Variants in MYO1B observed in about 807,000 individuals in gnomAD.
MYO1B encodes the protein unconventional myosin-Ib.
Under a neutral mutation model 159.7 loss-of-function variants are expected in MYO1B, and 72 were observed. The ratio of observed to expected loss-of-function variants is 0.45; its 90% confidence interval spans 0.37 to 0.55. The LOEUF (loss-of-function observed/expected upper bound fraction) is 0.55. Among genes scored for constraint, MYO1B ranks in the 20% least tolerant of loss-of-function variants. The probability of loss-of-function intolerance (pLI) is 0.00; values close to 1 mark genes in which losing one functional copy is unlikely to be tolerated. For missense variants in MYO1B, 1,062 were observed against 1,364.8 expected (o/e 0.78, Z 3.50); for synonymous variants, 468 against 473.8 (o/e 0.99, Z 0.16).
At chr2:191,264,797 C>T (rs939477715) in intron 1 of MYO1B, among the ~76,000 whole-genome samples, 1 of 151,298 alleles carries the variant, frequency 6.6e-6, no homozygotes, top group African/African-American at 2.4e-5. Flanking sequence ...ATCTAGGATG[C>T]ATGCTCATCC....
At chr2:191,264,044 A>G (rs1045036159) in intron 1 of MYO1B, among the ~76,000 whole-genome samples, 9 of 152,224 alleles carry the variant, frequency 5.9e-5, no homozygotes, top group African/African-American at 1.7e-4. Context: ...TTTGATTTTA[A>G]AAGGAATGCT....
At chr2:191,306,693 G>A (rs570229815) in intron 3 of MYO1B, among the ~76,000 whole-genome samples, 9 of 152,038 alleles carry the variant, frequency 5.9e-5, no homozygotes, top group Admixed American at 5.2e-4. Context: ...GGGAGAAAGG[G>A]GGATCAGAGG....
intron 2 of MYO1B, among the ~76,000 whole-genome samples, chr2:191,289,953 C>T (rs1332964377): frequency 1.3e-5 from 2 of 152,058 alleles, no homozygotes; most frequent in African/African-American, 4.8e-5. Context: ...TCTGCCTTTG[C>T]GAAGGAATGT....
At chr2:191,392,293 G>A (rs1184257680) in intron 19 of MYO1B, 92 bp downstream of exon 19, 13 of 874,212 alleles carry the variant, frequency 1.5e-5, no homozygotes, top group Non-Finnish European at 2.3e-5. Flanking sequence ...ATTATATGAG[G>A]GGCCACCATG....
At chr2:191,379,061 C>T (rs1694890458) in intron 13 of MYO1B, among the ~76,000 whole-genome samples, 1 of 152,180 alleles carries the variant, frequency 6.6e-6, no homozygotes, top group African/African-American at 2.4e-5. Context: ...AGTTCAGACA[C>T]CACAGGAAGG....
At chr2:191,327,718 A>G (rs1574436503) in intron 3 of MYO1B, among the ~76,000 whole-genome samples, 1 of 152,142 alleles carries the variant, frequency 6.6e-6, no homozygotes, top group Admixed American at 6.5e-5. Context: ...TGTGTAGAGA[A>G]TGGTTGAAAG....
chr2:191,398,826 C>T (rs1356443778), intron 21 of MYO1B, among the ~76,000 whole-genome samples: 1 of 151,746 alleles, frequency 6.6e-6, no homozygotes, highest in Non-Finnish European at 1.5e-5. Flanking sequence ...AGACGATGGG[C>T]GGCCAGGCAG....
intron 5 of MYO1B, among the ~76,000 whole-genome samples, chr2:191,345,118 T>G (rs1338301399): frequency 6.6e-6 from 1 of 152,194 alleles, no homozygotes; most frequent in African/African-American, 2.4e-5. Context: ...TTATTTCTGT[T>G]CACCACATTA....
chr2:191,261,426 T>G (rs1158236620), intron 1 of MYO1B, among the ~76,000 whole-genome samples: 1 of 152,218 alleles, frequency 6.6e-6, no homozygotes, highest in Non-Finnish European at 1.5e-5. Context: ...CATTCATGAT[T>G]GGTGGGTTAA....
chr2:191,273,216 T>G (rs1218527181), intron 1 of MYO1B, among the ~76,000 whole-genome samples: 2 of 152,164 alleles, frequency 1.3e-5, no homozygotes, highest in Non-Finnish European at 2.9e-5. Flanking sequence ...CTTCCTGGGT[T>G]CAAGCAATTC....
chr2:191,396,451 C>G lies in MYO1B; in HGVS notation c.2249C>G (p.Thr750Arg), dbSNP rs781465405. Reference protein sequence around the residue: ...RYAQQKRYQQTKSSALVIQSY... With the variant: ...RYAQQKRYQQRKSSALVIQSY... ...CAGCAACAAAAGAGGTACCAGCAGA[C>G]AAAGAGTTCCGCCTTAGTAATTCAG... Residue 750 changes from threonine (T) to arginine (R), a missense_variant, in exon 21 of 31, where the codon ACA becomes AGA. Thr to Arg is a moderately conservative substitution (Grantham distance 71, BLOSUM62 -1). Coordinates refer to ENST00000392318, the MANE Select transcript of MYO1B (RefSeq NM_001130158.3). 1 of 1,614,164 alleles carries G rather than the reference C, an allele frequency of 6.2e-7. No individual in the cohort carries two copies. The highest frequency in any genetic ancestry group is 8.5e-7 in the Non-Finnish European group (1 of 1,180,032).
At chr2:191,352,576 G>A (rs3736500) in intron 7 of MYO1B, among the ~76,000 whole-genome samples, 47,905 of 152,040 alleles carry the variant, frequency 0.32, 8,052 homozygotes, top group South Asian at 0.49. Context: ...TAAACACTCA[G>A]TTCTTTTCCA....
In MYO1B at chr2:191,390,395, A is replaced by C. The variant is rs201636142; in HGVS notation, c.1885A>C (p.Arg629=). 3.7e-6 allele frequency: 6 copies of C among 1,614,256 alleles called. No individual in the cohort carries two copies. In the East Asian group the frequency reaches 1.3e-4, roughly 36 times the overall value. Residue 629 remains arginine (R), a synonymous_variant, in exon 18 of 31, where the codon AGG becomes CGG. Transcript: ENST00000392318. The part of the protein sequence containing the change: ...LGLLENVRVR[R]AGYAFRQAYE... ...GCTTTTGGAGAACGTCCGAGTGCGG[A>C]GGGCAGGCTACGCCTTCAGGCAGGC...
At chr2:191,251,154 C>T (rs1354479203) in intron 1 of MYO1B, among the ~76,000 whole-genome samples, 2 of 152,194 alleles carry the variant, frequency 1.3e-5, no homozygotes, top group Non-Finnish European at 2.9e-5. Context: ...GACTGAATAG[C>T]CAGTCCCTTT....
intron 1 of MYO1B, among the ~76,000 whole-genome samples, chr2:191,267,225 C>T (rs535005160): frequency 7.2e-5 from 11 of 152,090 alleles, no homozygotes; most frequent in Admixed American, 2.0e-4. Context: ...TTGCTTTTAT[C>T]CATTTGTTTG....
intron 4 of MYO1B, among the ~76,000 whole-genome samples, chr2:191,331,551 TC>T (rs1035671153): frequency 3.9e-5 from 6 of 152,214 alleles, no homozygotes; most frequent in Admixed American, 3.9e-4. Context: ...ATTTTATCTT[TC>T]TAGGGCTAAA....
chr2:191,310,013 A>G (rs1009224526), intron 3 of MYO1B, among the ~76,000 whole-genome samples: 7 of 152,114 alleles, frequency 4.6e-5, no homozygotes, highest in African/African-American at 1.7e-4. Flanking sequence ...GGAGTGGGAG[A>G]GCTGCTGTTG....
chr2:191,296,315 GAAT>G (rs1425253351), intron 3 of MYO1B, 89 bp downstream of exon 3: 2 of 548,802 alleles, frequency 3.6e-6, no homozygotes. Flanking sequence ...TTGAATTTCA[GAAT>G]AATGTTTTTG....
chr2:191,392,170 G>C lies in MYO1B; in HGVS notation c.2045G>C (p.Arg682Thr). 1 of 1,607,170 alleles carries C rather than the reference G, an allele frequency of 6.2e-7. No individual in the cohort carries two copies. Among genetic ancestry groups the C allele is most frequent in the Non-Finnish European group, 8.5e-7 (1 of 1,175,006 alleles). Reference protein sequence around the residue: ...EIPVEEYSFGRSKIFIRNPRT... With the variant: ...EIPVEEYSFGTSKIFIRNPRT... ...CCCGTGGAAGAATACTCCTTTGGTA[G>C]ATCAAAGATATTCATCCGAAACCCA... Residue 682 changes from arginine to threonine, a missense_variant, in exon 19 of 31, where the codon AGA (arginine) becomes ACA (threonine). Around this residue, in one of 5 missense-constraint regions of MYO1B, gnomAD observed 609 missense variants for 744.4 expected, o/e 0.82. Coordinates refer to ENST00000392318, the MANE Select transcript of MYO1B (RefSeq NM_001130158.3).
Sources: allele counts gnomAD v4.1 joint callset (sites outside exome capture counted in the v4.1 genomes callset), GRCh38; gene constraint gnomAD v4.1.1; regional missense constraint gnomAD v4.1.1; transcripts MANE v1.5; gene names NCBI Gene and HGNC (gene_info 2026-07-23, HGNC 2026-07-21).